The following FABP7 variants were observed in gnomAD, a reference collection of about 807,000 sequenced individuals.
FABP7 encodes the protein fatty acid binding protein 7.
A neutral mutation model predicts 14.2 loss-of-function variants in FABP7; 13 were observed. The observed-to-expected ratio is 0.91, with a 90% CI of 0.59 to 1.45. FABP7 has a LOEUF of 1.45. FABP7 is among the 40% of genes most tolerant of loss of function. The probability of loss-of-function intolerance (pLI) is 0.00; values close to 1 mark genes in which losing one functional copy is unlikely to be tolerated. For missense variants in FABP7, 149 were observed against 157.6 expected (o/e 0.95, Z 0.29); for synonymous variants, 49 against 51.4 (o/e 0.95, Z 0.20).
At chr6:122,770,946 C>T in the FABP7 span, among the ~76,000 whole-genome samples, 1 of 152,170 alleles carries the variant, frequency 6.6e-6, no homozygotes, top group Non-Finnish European at 1.5e-5. Flanking sequence ...TAGGTTTTGC[C>T]TATTGCATAA....
At position 122,779,871 on chromosome 6, in the gene FABP7, G is replaced by A; in HGVS notation, c.73+4G>A. ...GATGAGTACATGAAGGCTCTAGGTA[G>A]GTAACAATAAGACCGGCTGTTCTCT... On this transcript the variant is annotated splice_donor_region_variant and intron_variant, in intron 1 of 3. Coordinates refer to ENST00000368444, the MANE Select transcript of FABP7 (RefSeq NM_001446.5). 5 of 1,613,628 alleles carry A rather than the reference G, an allele frequency of 3.1e-6. No individual in the cohort carries two copies. The highest frequency in any genetic ancestry group is 2.2e-5 in the South Asian group (2 of 91,046).
the FABP7 span, among the ~76,000 whole-genome samples, chr6:122,766,021 G>A: frequency 6.6e-6 from 1 of 151,946 alleles, no homozygotes; most frequent in Admixed American, 6.6e-5. Context: ...CTGAAATTTT[G>A]TTACAAACAA....
At chr6:122,765,834 CTTTT>C in the FABP7 span, among the ~76,000 whole-genome samples, 1 of 151,874 alleles carries the variant, frequency 6.6e-6, no homozygotes, top group South Asian at 2.1e-4. Context: ...GCCAAAGAGA[CTTTT>C]TTTTCTTCTT....
chr6:122,775,828 A>C (rs1463806082), upstream of FABP7, among the ~76,000 whole-genome samples: 6 of 151,866 alleles, frequency 4.0e-5, no homozygotes, highest in South Asian at 4.1e-4. Context: ...TGAATAGCAA[A>C]AAACAAACAA....
In FABP7 at chr6:122,783,854, C is replaced by A; in HGVS notation, c.*87C>A. 1 of 1,073,516 alleles carries A rather than the reference C, an allele frequency of 9.3e-7. No individual in the cohort carries two copies. Among genetic ancestry groups the A allele is most frequent in the Admixed American group, 2.4e-5 (1 of 41,470 alleles). 66.5% of individuals were successfully genotyped at this position (1,073,516 alleles called of 1,614,324 possible). A position where few individuals can be genotyped will look rare whatever the true frequency, so the allele number is the denominator to read the frequency against. The stretch of plus-strand genomic sequence containing the variant: ...GCTATCCTATTACAACATGGCTGAT[C>A]ATTAATTAGAAGGTTATCCTTGGTG... On this transcript the variant is annotated 3_prime_UTR_variant, in exon 4 of 4. Transcript: ENST00000368444.
rs762435776 is a variant in FABP7 at position 122,780,292 on chromosome 6, C to A, written c.75C>A (p.Gly25=). 41 of 1,613,842 alleles carry A rather than the reference C, an allele frequency of 2.5e-5. No homozygotes were observed. The highest frequency in any genetic ancestry group is 6.6e-5 in the South Asian group (6 of 91,018). Residue 25 remains glycine (G), a splice_region_variant and synonymous_variant, in exon 2 of 4, where the codon GGC becomes GGA. Transcript: ENST00000368444. Reference sequence around the variant, plus strand: ...GTACTGTTCCCTTTGCTATTTTAGGCGTGGGCTTTGCCACTAGGCAGGTGG... The same window carrying A: ...GTACTGTTCCCTTTGCTATTTTAGGAGTGGGCTTTGCCACTAGGCAGGTGG... ...QNFDEYMKAL[G]VGFATRQVGN...
the FABP7 span, among the ~76,000 whole-genome samples, chr6:122,752,361 A>G: frequency 3.3e-5 from 5 of 152,124 alleles, no homozygotes; most frequent in Admixed American, 3.3e-4. Context: ...GCATGCATGC[A>G]CTCTGTGGTT....
chr6:122,753,304 G>T, the FABP7 span, among the ~76,000 whole-genome samples: 1 of 152,170 alleles, frequency 6.6e-6, no homozygotes, highest in Non-Finnish European at 1.5e-5. Context: ...GTTCTCCACT[G>T]ATTTAGCAAA....
At chr6:122,760,538 T>G in the FABP7 span, among the ~76,000 whole-genome samples, 5 of 80,332 alleles carry the variant, frequency 6.2e-5, no homozygotes, top group African/African-American at 1.7e-4. Context: ...CTGCTCTTTG[T>G]TTTTTTTTTC....
chr6:122,783,679 C>T, intron 3 of FABP7, 38 bp from the exon 4 acceptor site: 1 of 1,556,948 alleles, frequency 6.4e-7, no homozygotes, highest in Non-Finnish European at 8.6e-7. Flanking sequence ...ACTGAAGTTC[C>T]TGTATAAAAA....
chr6:122,756,973 G>A, the FABP7 span, among the ~76,000 whole-genome samples: 1 of 152,158 alleles, frequency 6.6e-6, no homozygotes, highest in Non-Finnish European at 1.5e-5. Context: ...CTAAGGCTCA[G>A]GCTTTGAATC....
chr6:122,749,410 A>G, the FABP7 span, among the ~76,000 whole-genome samples: 1 of 152,206 alleles, frequency 6.6e-6, no homozygotes, highest in African/African-American at 2.4e-5. Context: ...ACATGACCAT[A>G]ATGATAATAG....
the FABP7 span, among the ~76,000 whole-genome samples, chr6:122,753,779 A>ACCCCAC: frequency 1.3e-5 from 1 of 78,572 alleles, no homozygotes. Context: ...TTGGGTCCAA[A>ACCCCAC]TCCCGCCCCC....
the FABP7 span, among the ~76,000 whole-genome samples, chr6:122,769,987 C>T: frequency 0.27 from 41,562 of 151,950 alleles, 6,558 homozygotes; most frequent in Non-Finnish European, 0.37. Context: ...CAATGGCCCG[C>T]TTGTAATTTA....
At chr6:122,753,181 G>T in the FABP7 span, among the ~76,000 whole-genome samples, 1 of 152,172 alleles carries the variant, frequency 6.6e-6, no homozygotes, top group East Asian at 1.9e-4. Flanking sequence ...CTTTCTGGCA[G>T]CCCTGCAGGG....
In FABP7 at chr6:122,783,953, A is replaced by T. The variant is rs1780857683; in HGVS notation, c.*186A>T. 2 of 431,550 alleles carry T rather than the reference A, an allele frequency of 4.6e-6. No homozygotes were observed. Among genetic ancestry groups the T allele is most frequent in the Non-Finnish European group, 8.1e-6 (2 of 247,104 alleles). 26.7% of individuals were successfully genotyped at this position (431,550 alleles called of 1,614,324 possible). ...CCCAATTTTAATCTGAAAATTTATC[A>T]TGTTTTATAATTTGAATTAAAGTTT... is the stretch of plus-strand genomic sequence containing the variant. On this transcript the variant is annotated 3_prime_UTR_variant, in exon 4 of 4. Coordinates refer to ENST00000368444, the MANE Select transcript of FABP7 (RefSeq NM_001446.5).
chr6:122,758,278 T>C, the FABP7 span, among the ~76,000 whole-genome samples: 16 of 152,216 alleles, frequency 1.1e-4, no homozygotes, highest in African/African-American at 3.9e-4. Flanking sequence ...TGGTTAATTT[T>C]TGTATTTTTA....
the FABP7 span, among the ~76,000 whole-genome samples, chr6:122,770,045 C>A: frequency 6.6e-6 from 1 of 151,960 alleles, no homozygotes; most frequent in African/African-American, 2.4e-5. Flanking sequence ...TCAACAAATT[C>A]TCTTGCAAAT....
upstream of FABP7, among the ~76,000 whole-genome samples, chr6:122,776,495 G>T (rs942899113): frequency 6.6e-5 from 10 of 152,140 alleles, no homozygotes; most frequent in Non-Finnish European, 1.5e-5. Context: ...TGAATAGAAT[G>T]GTGGTTACAA....
Sources: gnomAD v4.1 joint callset for allele counts (sites outside exome capture counted in the v4.1 genomes callset) on GRCh38, gnomAD v4.1.1 for gene constraint, MANE v1.5 for transcripts, NCBI Gene and HGNC (gene_info 2026-07-23, HGNC 2026-07-21) for gene names.